Variants in DCC observed in about 807,000 individuals in gnomAD.
The protein encoded by DCC is netrin receptor DCC.
Under a neutral mutation model 172.5 loss-of-function variants are expected in DCC, and 58 were observed. That is an observed-to-expected ratio of 0.34 (90% CI 0.27 to 0.42). DCC has a LOEUF of 0.42. DCC is among the 10% of genes least tolerant of loss of function. DCC has a pLI of 1.00. For missense variants in DCC, 1,740 were observed against 1,791.0 expected (o/e 0.97, Z 0.51); for synonymous variants, 709 against 644.5 (o/e 1.10, Z -1.52).
intron 1 of DCC, among the ~76,000 whole-genome samples, chr18:52,737,143 TCTTA>T (rs1259731554): frequency 1.2e-4 from 19 of 152,074 alleles, no homozygotes. Context: ...TTGCTTTGAG[TCTTA>T]CTGATTTTTT....
chr18:52,468,799 G>A (rs566402750), intron 1 of DCC, among the ~76,000 whole-genome samples: 1 of 152,212 alleles, frequency 6.6e-6, no homozygotes, highest in South Asian at 2.1e-4. Flanking sequence ...AAGAGATGTT[G>A]CAACACTAAA....
intron 1 of DCC, among the ~76,000 whole-genome samples, chr18:52,593,039 A>T (rs746555956): frequency 6.6e-6 from 1 of 152,126 alleles, no homozygotes; most frequent in African/African-American, 2.4e-5. Context: ...GCCCTTTACC[A>T]TGCTCCTCAG....
chr18:52,596,703 C>T (rs2144808588), intron 1 of DCC, among the ~76,000 whole-genome samples: 1 of 152,278 alleles, frequency 6.6e-6, no homozygotes, highest in South Asian at 2.1e-4. Context: ...AGAATGAGAA[C>T]AAGTCCCAAT....
At chr18:53,121,463 T>G (rs1464196766) in intron 7 of DCC, among the ~76,000 whole-genome samples, 3 of 151,916 alleles carry the variant, frequency 2.0e-5, no homozygotes, top group African/African-American at 7.2e-5. Context: ...GATTCACAAG[T>G]GGTCAGACAA....
chr18:53,201,426 T>G (rs2055535485), intron 9 of DCC, among the ~76,000 whole-genome samples: 1 of 152,168 alleles, frequency 6.6e-6, no homozygotes, highest in Admixed American at 6.6e-5. Flanking sequence ...ATCCCTCACA[T>G]ACGGCATATA....
intron 5 of DCC, among the ~76,000 whole-genome samples, chr18:53,002,745 TA>T (rs2041585677): frequency 1.3e-5 from 2 of 152,272 alleles, no homozygotes; most frequent in Admixed American, 1.3e-4. Context: ...GCCAGATATT[TA>T]AAAGAAACGT....
At chr18:52,957,509 A>T (rs1163711491) in intron 5 of DCC, among the ~76,000 whole-genome samples, 2 of 152,162 alleles carry the variant, frequency 1.3e-5, no homozygotes, top group East Asian at 3.9e-4. Context: ...TCTGCTAAAT[A>T]CCATCCACAT....
At chr18:53,375,591 C>A (rs1177606254) in intron 15 of DCC, among the ~76,000 whole-genome samples, 4 of 146,214 alleles carry the variant, frequency 2.7e-5, no homozygotes, top group African/African-American at 7.5e-5. Context: ...GGTGATCATA[C>A]AATGTTACCA....
rs148639999 is a variant in DCC at position 52,539,333 on chromosome 18, A to G, written c.91+198455A>G. ...TGAAAAAAAAAATAAGCTTGATTCA[A>G]GATTTACAGGAGATCTATTGTTCCA... On this transcript the variant is annotated intron_variant, in intron 1 of 28. Transcript: ENST00000442544. Among the ~76,000 whole-genome samples the G allele has an allele frequency of 6.1e-3, 923 of 152,254 alleles. 14 individuals carry two copies. The highest frequency in any genetic ancestry group is 0.021 in the African/African-American group (886 of 41,532).
At chr18:52,764,011 G>T (rs372695721) in intron 2 of DCC, among the ~76,000 whole-genome samples, 1 of 152,270 alleles carries the variant, frequency 6.6e-6, no homozygotes, top group Non-Finnish European at 1.5e-5. Flanking sequence ...GAATGTTCTT[G>T]TATTTAGTAA....
chr18:52,574,875 A>G (rs576681749), intron 1 of DCC, among the ~76,000 whole-genome samples: 2 of 152,292 alleles, frequency 1.3e-5, no homozygotes, highest in South Asian at 4.1e-4. Flanking sequence ...ATATGTGAAT[A>G]GGCTTCCATA....
chr18:52,481,929 A>G (rs142634634), intron 1 of DCC, among the ~76,000 whole-genome samples: 99 of 152,216 alleles, frequency 6.5e-4, no homozygotes, highest in African/African-American at 2.3e-3. Flanking sequence ...ATCTTATTAA[A>G]TTATTATAAA....
Position 52,527,864 on chromosome 18 carries a change from G to A in DCC, c.91+186986G>A, listed in dbSNP as rs566956301. On this transcript the variant is annotated intron_variant, in intron 1 of 28. Transcript: ENST00000442544. The stretch of plus-strand genomic sequence containing the variant: ...AGAGCATCTAGCCTCTGACAACTCT[G>A]GGGAGGGAGAGCAACTGGTCAGATC... Among the ~76,000 whole-genome samples the A allele has an allele frequency of 2.0e-5, 3 of 152,298 alleles. No individual in the cohort carries two copies. In the South Asian group the frequency reaches 6.2e-4, roughly 32 times the overall value.
At chr18:53,390,342 T>C (rs555234956) in intron 16 of DCC, among the ~76,000 whole-genome samples, 5 of 152,220 alleles carry the variant, frequency 3.3e-5, no homozygotes, top group South Asian at 4.1e-4. Flanking sequence ...GAATAATTCA[T>C]TGGAAAACAG....
In DCC at chr18:53,086,113, TC is replaced by T. The variant is rs2042887858; in HGVS notation, c.1261+19949del. 1.4e-4 allele frequency among the ~76,000 whole-genome samples: 2 copies of T among 14,166 alleles called. 1 individual carries two copies. The highest frequency in any genetic ancestry group is 2.6e-3 in the African/African-American group (2 of 782). The allele number at this position is 14,166 out of a possible 152,430, so 9.3% of individuals were successfully genotyped here. Reference sequence around the variant, plus strand: ...CTCCTCCTCCTCCTCCTCCTCCTCCTCCTCCTCCTCCTCCTCCTCCTCCTCC... The same window carrying T: ...CTCCTCCTCCTCCTCCTCCTCCTCCTCTCCTCCTCCTCCTCCTCCTCCTCC... On this transcript the variant is annotated intron_variant, in intron 7 of 28. Coordinates refer to ENST00000442544, the MANE Select transcript of DCC (RefSeq NM_005215.4).
intron 12 of DCC, among the ~76,000 whole-genome samples, chr18:53,261,165 C>T (rs987090835): frequency 6.6e-6 from 1 of 152,170 alleles, no homozygotes; most frequent in South Asian, 2.1e-4. Context: ...TGAGGTGATG[C>T]CTCGCCCTGC....
chr18:53,187,426 T>A (rs752187530), intron 9 of DCC, among the ~76,000 whole-genome samples: 53 of 152,308 alleles, frequency 3.5e-4, no homozygotes, highest in Non-Finnish European at 2.8e-4. Context: ...CTGGCTCTAT[T>A]TCCTTTTTTT....
At chr18:52,343,256 C>G (rs771616959) in intron 1 of DCC, among the ~76,000 whole-genome samples, 4 of 152,156 alleles carry the variant, frequency 2.6e-5, no homozygotes, top group Non-Finnish European at 4.4e-5. Flanking sequence ...AAACTTACAA[C>G]GAGAAAGCAT....
chr18:52,511,846 G>T (rs1001489371), intron 1 of DCC, among the ~76,000 whole-genome samples: 2 of 152,224 alleles, frequency 1.3e-5, no homozygotes, highest in Non-Finnish European at 1.5e-5. Context: ...TTTCAGGACT[G>T]GCTTTCTCGT....
Sources: allele counts gnomAD v4.1 joint callset (sites outside exome capture counted in the v4.1 genomes callset), GRCh38; gene constraint gnomAD v4.1.1; transcripts MANE v1.5; gene names NCBI Gene and HGNC (gene_info 2026-07-23, HGNC 2026-07-21).